Variants in PDE3A observed in about 807,000 individuals in gnomAD.
PDE3A encodes cGMP-inhibited 3',5'-cyclic phosphodiesterase 3A.
Under a neutral mutation model 98.3 loss-of-function variants are expected in PDE3A, and 43 were observed. That is an observed-to-expected ratio of 0.44 (90% confidence interval 0.34 to 0.56). The LOEUF (loss-of-function observed/expected upper bound fraction) is 0.56, where lower values mean the gene tolerates loss of function less well. PDE3A is among the 20% of genes least tolerant of loss of function. The pLI is 0.01. For synonymous variants in PDE3A, 663 were observed against 567.9 expected (o/e 1.17, Z -2.38); for missense variants, 1,427 against 1,440.7 (o/e 0.99, Z 0.15).
At chr12:20,409,359 CTG>C (rs1215305127) in intron 1 of PDE3A, among the ~76,000 whole-genome samples, 1 of 151,934 alleles carries the variant, frequency 6.6e-6, no homozygotes. Context: ...TTCTAGAAAA[CTG>C]TATTTCTCAG....
chr12:20,374,121 A>T (rs553297460), intron 1 of PDE3A, among the ~76,000 whole-genome samples: 4 of 152,258 alleles, frequency 2.6e-5, no homozygotes, highest in African/African-American at 9.6e-5. Context: ...GACAGAATTA[A>T]AATTAATTAA....
chr12:20,581,635 C>G (rs1485846949), intron 2 of PDE3A, among the ~76,000 whole-genome samples: 1 of 126,820 alleles, frequency 7.9e-6, no homozygotes, highest in Non-Finnish European at 1.6e-5. Flanking sequence ...TTTTTTGAGA[C>G]GGAGTCTCGC....
chr12:20,480,526 C>T (rs1463925220), intron 1 of PDE3A, among the ~76,000 whole-genome samples: 1 of 152,104 alleles, frequency 6.6e-6, no homozygotes, highest in Non-Finnish European at 1.5e-5. Flanking sequence ...TAAAATATAG[C>T]ATTTGCAAAA....
At position 20,500,916 on chromosome 12, in the gene PDE3A, C is replaced by T. The variant is rs538508326; in HGVS notation, c.961-55744C>T. Among the ~76,000 whole-genome samples, 5 of 151,852 alleles carry T rather than the reference C, an allele frequency of 3.3e-5. No homozygotes were observed. The South Asian group carries it at 6.2e-4, about 19-fold the overall frequency. ...TGAAGTAGCTGGAACTACAAGTGTGCGCTACTATGCCCAGCTAATTTTTGT... is the reference window on the plus strand; with the variant it reads ...TGAAGTAGCTGGAACTACAAGTGTGTGCTACTATGCCCAGCTAATTTTTGT... On this transcript the variant is annotated intron_variant, in intron 1 of 15. Transcript: ENST00000359062.
chr12:20,422,527 G>T (rs1944536674), intron 1 of PDE3A, among the ~76,000 whole-genome samples: 1 of 152,078 alleles, frequency 6.6e-6, no homozygotes, highest in Non-Finnish European at 1.5e-5. Flanking sequence ...TTGTTCCATT[G>T]CATGTTATTA....
intron 5 of PDE3A, among the ~76,000 whole-genome samples, chr12:20,622,302 A>G (rs1188960965): frequency 6.6e-6 from 1 of 152,004 alleles, no homozygotes; most frequent in Non-Finnish European, 1.5e-5. Flanking sequence ...TGGATCCTTC[A>G]CTTCTTACTC....
Position 20,635,023 on chromosome 12 carries a change from C to T in PDE3A, c.1968C>T (p.Cys656=). The change falls in exon 8 of 16, where the codon TGC becomes TGT. Residue 656 remains cysteine, a synonymous_variant. Coordinates refer to ENST00000359062, the MANE Select transcript of PDE3A (RefSeq NM_000921.5). ...AGCCTCTGAGGAAAGCATCGGCTTG[C>T]AGCACCTATGCTCCTGAGACCATGA... ...LREPLRKASA[C]STYAPETMMF... is the part of the protein sequence containing the mutation. 4 of 1,613,644 alleles carry T rather than the reference C, an allele frequency of 2.5e-6. No homozygotes were observed. Among genetic ancestry groups the T allele is most frequent in the Non-Finnish European group, 3.4e-6 (4 of 1,179,634 alleles).
intron 4 of PDE3A, among the ~76,000 whole-genome samples, chr12:20,617,522 C>T (rs1216034612): frequency 2.0e-5 from 3 of 152,076 alleles, no homozygotes; most frequent in Non-Finnish European, 2.9e-5. Context: ...AATTAGAAGT[C>T]AATGATCAAT....
chr12:20,411,840 C>T (rs192289772), intron 1 of PDE3A, among the ~76,000 whole-genome samples: 1 of 152,236 alleles, frequency 6.6e-6, no homozygotes, highest in African/African-American at 2.4e-5. Context: ...ATTTCCGAGA[C>T]CTTTACAATA....
At chr12:20,376,228 A>G (rs1943568964) in intron 1 of PDE3A, among the ~76,000 whole-genome samples, 1 of 151,906 alleles carries the variant, frequency 6.6e-6, no homozygotes, top group South Asian at 2.1e-4. Context: ...TTAGTAGACT[A>G]CAATTAGTCT....
chr12:20,510,000 A>T (rs1047884586), intron 1 of PDE3A, among the ~76,000 whole-genome samples: 1 of 152,068 alleles, frequency 6.6e-6, no homozygotes, highest in Non-Finnish European at 1.5e-5. Context: ...AATGATATTT[A>T]TATGATAAAA....
intron 1 of PDE3A, among the ~76,000 whole-genome samples, chr12:20,471,761 A>G (rs1945443674): frequency 6.6e-6 from 1 of 152,132 alleles, no homozygotes; most frequent in Non-Finnish European, 1.5e-5. Flanking sequence ...TGGGTTTTAG[A>G]TTTTATACCA....
intron 1 of PDE3A, among the ~76,000 whole-genome samples, chr12:20,399,378 T>C (rs571651880): frequency 4.6e-5 from 7 of 152,280 alleles, no homozygotes; most frequent in Non-Finnish European, 1.0e-4. Flanking sequence ...CTGCAGCAAA[T>C]GTGGGTGGTT....
At chr12:20,409,125 C>T (rs372689572) in intron 1 of PDE3A, among the ~76,000 whole-genome samples, 4 of 152,140 alleles carry the variant, frequency 2.6e-5, no homozygotes, top group South Asian at 2.1e-4. Context: ...ATCATCTCCT[C>T]ATTTCCTCCT....
chr12:20,456,668 G>A (rs1388123451), intron 1 of PDE3A, among the ~76,000 whole-genome samples: 1 of 152,170 alleles, frequency 6.6e-6, no homozygotes, highest in Non-Finnish European at 1.5e-5. Flanking sequence ...TTATGTATAT[G>A]TGTGTCCATG....
chr12:20,423,581 A>G (rs1342367494), intron 1 of PDE3A, among the ~76,000 whole-genome samples: 1 of 152,218 alleles, frequency 6.6e-6, no homozygotes, highest in Non-Finnish European at 1.5e-5. Flanking sequence ...AGAATCATTA[A>G]TTCTGGTTTA....
At position 20,633,605 on chromosome 12, in the gene PDE3A, G is replaced by T. The variant is rs959238017; in HGVS notation, c.1761-88G>T. The stretch of plus-strand genomic sequence containing the variant: ...AAGGTAGAAATATTTGACTATTGTT[G>T]TTTATCTTAATGTATACATAGATGG... On this transcript the variant is annotated intron_variant, in intron 6 of 15. Coordinates refer to ENST00000359062, the MANE Select transcript of PDE3A (RefSeq NM_000921.5). 1.0e-5 allele frequency: 6 copies of T among 588,770 alleles called. No homozygotes were observed. In the African/African-American group the frequency reaches 1.1e-4, roughly 11 times the overall value. 36.5% of individuals were successfully genotyped at this position (588,770 alleles called of 1,614,324 possible).
At chr12:20,637,006 C>T (rs994651457) in intron 8 of PDE3A, 94 bp from the exon 9 acceptor site, 4 of 771,946 alleles carry the variant, frequency 5.2e-6, no homozygotes, top group Non-Finnish European at 5.9e-6. Flanking sequence ...CATTTATTTC[C>T]GATAGCCACA....
At chr12:20,642,768 G>A (rs1944673640) in intron 10 of PDE3A, among the ~76,000 whole-genome samples, 1 of 152,064 alleles carries the variant, frequency 6.6e-6, no homozygotes, top group African/African-American at 2.4e-5. Context: ...TTTAAAGCTA[G>A]ATATTGAAGT....
Sources: allele counts gnomAD v4.1 joint callset (sites outside exome capture counted in the v4.1 genomes callset), GRCh38; gene constraint gnomAD v4.1.1; transcripts MANE v1.5; gene names NCBI Gene and HGNC (gene_info 2026-07-23, HGNC 2026-07-21).